Variants in DYNC1I1 observed in about 807,000 individuals in gnomAD.
The protein encoded by DYNC1I1 is cytoplasmic dynein 1 intermediate chain 1.
DYNC1I1 carries 43 observed loss-of-function variants against 86.6 expected under a neutral mutation model. That is an observed-to-expected ratio of 0.50 (90% CI 0.39 to 0.64). DYNC1I1 has a LOEUF of 0.64. Among genes scored for constraint, DYNC1I1 ranks in the 30% least tolerant of loss-of-function variants. The pLI is 0.00. For missense variants in DYNC1I1, 604 were observed against 788.8 expected (o/e 0.77, Z 2.81); for synonymous variants, 262 against 283.7 (o/e 0.92, Z 0.77).
chr7:95,793,592 G>A (rs1244157814), intron 1 of DYNC1I1, among the ~76,000 whole-genome samples: 6 of 152,306 alleles, frequency 3.9e-5, no homozygotes, highest in African/African-American at 1.4e-4. Context: ...TAGCCACAGG[G>A]TTTGTATTAT....
chr7:96,014,949 T>C (rs1163453564), intron 10 of DYNC1I1, among the ~76,000 whole-genome samples: 1 of 152,182 alleles, frequency 6.6e-6, no homozygotes, highest in African/African-American at 2.4e-5. Context: ...TCTGGTTTCA[T>C]ATTATTCCTG....
At chr7:96,006,575 T>C (rs1794148187) in intron 10 of DYNC1I1, among the ~76,000 whole-genome samples, 1 of 152,218 alleles carries the variant, frequency 6.6e-6, no homozygotes, top group Admixed American at 6.5e-5. Context: ...TTCTTCCCTT[T>C]GTATGAGGGA....
chr7:95,910,579 G>A (rs1391236303), intron 6 of DYNC1I1, among the ~76,000 whole-genome samples: 5 of 152,210 alleles, frequency 3.3e-5, no homozygotes, highest in Non-Finnish European at 7.3e-5. Flanking sequence ...GGAGGCAGGT[G>A]TGCTGGGGCC....
In DYNC1I1 at chr7:96,051,664, C is replaced by A. The variant is rs370570970; in HGVS notation, c.1509+12243C>A. 1.1e-3 allele frequency among the ~76,000 whole-genome samples: 163 copies of A among 152,288 alleles called. 1 individual carries two copies. Among genetic ancestry groups the A allele is most frequent in the African/African-American group, 3.9e-3 (161 of 41,564 alleles). On this transcript the variant is annotated intron_variant, in intron 14 of 16. Coordinates refer to ENST00000447467, the MANE Select transcript of DYNC1I1 (RefSeq NM_001135556.2). ...AAGTGACTGGAGAATTATGACTTTG[C>A]ACAAATTAGAAAGATAATCTTTAAT...
chr7:95,778,458 C>T (rs1009517116), intron 1 of DYNC1I1, among the ~76,000 whole-genome samples: 4 of 152,156 alleles, frequency 2.6e-5, no homozygotes, highest in African/African-American at 9.7e-5. Context: ...CAGCTACTGG[C>T]AGTCAGGCCC....
At chr7:96,093,833 T>C (rs886711098) in intron 16 of DYNC1I1, among the ~76,000 whole-genome samples, 2 of 152,204 alleles carry the variant, frequency 1.3e-5, no homozygotes, top group African/African-American at 2.4e-5. Context: ...ACTTATGATC[T>C]TTTTTCCTAT....
At chr7:95,903,596 A>C (rs117408036) in intron 6 of DYNC1I1, among the ~76,000 whole-genome samples, 1,529 of 152,354 alleles carry the variant, frequency 0.01, 36 homozygotes, top group Admixed American at 0.049. Flanking sequence ...TGTCATGTGA[A>C]TATTCTGCAA....
intron 16 of DYNC1I1, among the ~76,000 whole-genome samples, chr7:96,080,967 G>A (rs1257591178): frequency 1.3e-5 from 2 of 151,710 alleles, no homozygotes; most frequent in African/African-American, 4.9e-5. Context: ...CTACTCAGGA[G>A]GCTGAGGCAG....
chr7:96,074,550 CAAA>C (rs61571160), intron 14 of DYNC1I1, among the ~76,000 whole-genome samples: 7 of 66,930 alleles, frequency 1.0e-4, no homozygotes, highest in Admixed American at 5.0e-4. Flanking sequence ...GACTCCGTCT[CAAA>C]AAAAAAAAAA....
intron 5 of DYNC1I1, among the ~76,000 whole-genome samples, chr7:95,852,248 G>A (rs1789598315): frequency 1.3e-5 from 2 of 151,910 alleles, no homozygotes; most frequent in East Asian, 1.9e-4. Flanking sequence ...GATTGTAGAT[G>A]TCAAGGAATT....
At chr7:96,079,431 C>G (rs577901211) in intron 15 of DYNC1I1, among the ~76,000 whole-genome samples, 1 of 152,228 alleles carries the variant, frequency 6.6e-6, no homozygotes, top group South Asian at 2.1e-4. Context: ...GAGATCTGAG[C>G]TTTATGTCAA....
intron 14 of DYNC1I1, among the ~76,000 whole-genome samples, chr7:96,046,634 C>T (rs1032432012): frequency 2.0e-5 from 3 of 152,132 alleles, no homozygotes; most frequent in African/African-American, 7.2e-5. Flanking sequence ...ACAAGAAGCC[C>T]AGTTGTAAGT....
At chr7:95,973,986 A>G (rs1793240606) in intron 6 of DYNC1I1, among the ~76,000 whole-genome samples, 1 of 152,180 alleles carries the variant, frequency 6.6e-6, no homozygotes, top group South Asian at 2.1e-4. Flanking sequence ...CCATGGATTG[A>G]GAAGCAAGAA....
chr7:95,780,698 C>T (rs1793969403), intron 1 of DYNC1I1, among the ~76,000 whole-genome samples: 1 of 152,128 alleles, frequency 6.6e-6, no homozygotes, highest in Admixed American at 6.5e-5. Context: ...TTTCTGAATG[C>T]AGTTTTAGAT....
chr7:95,926,799 G>A (rs986817753), intron 6 of DYNC1I1, among the ~76,000 whole-genome samples: 1 of 152,028 alleles, frequency 6.6e-6, no homozygotes, highest in Non-Finnish European at 1.5e-5. Flanking sequence ...TGTTGACCTT[G>A]TTCTTTTATA....
intron 13 of DYNC1I1, among the ~76,000 whole-genome samples, chr7:96,036,251 C>G (rs755904451): frequency 7.9e-5 from 12 of 152,158 alleles, no homozygotes; most frequent in Non-Finnish European, 1.3e-4. Flanking sequence ...ACCTTTAAGT[C>G]CCATAGAATT....
intron 6 of DYNC1I1, among the ~76,000 whole-genome samples, chr7:95,899,432 C>T (rs1790976500): frequency 6.6e-6 from 1 of 152,200 alleles, no homozygotes; most frequent in Middle Eastern, 3.2e-3. Flanking sequence ...AAATGATGTT[C>T]AAGTCAGAGG....
chr7:95,900,319 T>C (rs867517634), intron 6 of DYNC1I1, among the ~76,000 whole-genome samples: 9 of 152,136 alleles, frequency 5.9e-5, no homozygotes, highest in Middle Eastern at 3.4e-3. Flanking sequence ...CATACAAGAG[T>C]TTTTGCCTCC....
chr7:95,852,631 C>T lies in DYNC1I1; in HGVS notation c.375-17252C>T, dbSNP rs77818229. On this transcript the variant is annotated intron_variant, in intron 5 of 16. Coordinates refer to ENST00000447467, the MANE Select transcript of DYNC1I1 (RefSeq NM_001135556.2). ...AAGCGATTCTCCTGCCTCAGCCTCC[C>T]GGGTAGCGAGGATTACAGGTGCCCG... Among the ~76,000 whole-genome samples, 369 of 152,088 alleles carry T rather than the reference C, an allele frequency of 2.4e-3. 11 individuals are homozygous for T. The East Asian group carries it at 0.044, about 18-fold the overall frequency.
Sources: allele counts gnomAD v4.1 joint callset (sites outside exome capture counted in the v4.1 genomes callset), GRCh38; gene constraint gnomAD v4.1.1; transcripts MANE v1.5; gene names NCBI Gene and HGNC (gene_info 2026-07-23, HGNC 2026-07-21).